UBE2R2: variants seen among roughly 807,000 people sequenced by gnomAD.
UBE2R2 encodes the protein ubiquitin conjugating enzyme E2 R2.
In UBE2R2, 1 loss-of-function variant was observed where a neutral mutation model predicts 27.8. The observed-to-expected ratio is 0.04, with a 90% CI of 0.01 to 0.17. The LOEUF (loss-of-function observed/expected upper bound fraction) is 0.17, where lower values mean the gene tolerates loss of function less well. Ranked by LOEUF, UBE2R2 falls within the 10% of genes least tolerant of loss-of-function variation. The pLI is 1.00. For missense variants in UBE2R2, 100 were observed against 291.0 expected, an observed-to-expected ratio of 0.34 and a Z score of 4.78; for synonymous variants, 106 against 113.3, an observed-to-expected ratio of 0.94 and a Z score of 0.41.
rs143127236 is a variant in UBE2R2 at position 33,906,181 on chromosome 9, G to A, written c.363-5783G>A. Reference sequence around the variant, plus strand: ...TCTTGTTGCCCAGCTGGAGTGCAATGGTGCGATCTCAGCTCACTGCAAACT... The same window carrying A: ...TCTTGTTGCCCAGCTGGAGTGCAATAGTGCGATCTCAGCTCACTGCAAACT... On this transcript the variant is annotated intron_variant, in intron 3 of 4. Coordinates refer to ENST00000263228, the MANE Select transcript of UBE2R2 (RefSeq NM_017811.4). 8.3e-3 allele frequency among the ~76,000 whole-genome samples: 1,267 copies of A among 152,184 alleles called. 15 individuals carry two copies. Among genetic ancestry groups the A allele is most frequent in the African/African-American group, 0.028 (1,164 of 41,518 alleles).
chr9:33,917,202 TATG>T lies in UBE2R2; in HGVS notation c.694_696del (p.Asp232del), dbSNP rs764184049. 3.7e-6 allele frequency: 6 copies of T among 1,614,008 alleles called. No individual in the cohort carries two copies. Among genetic ancestry groups the T allele is most frequent in the African/African-American group, 2.7e-5 (2 of 74,912 alleles). ...TGAGGAGGAGGAAGATGCCGACTGT[TATG>T]ATGATGATGATTCTGGGAATGAGGA... is the stretch of plus-strand genomic sequence containing the variant. On this transcript the variant is annotated inframe_deletion, in exon 5 of 5. Coordinates refer to ENST00000263228, the MANE Select transcript of UBE2R2 (RefSeq NM_017811.4).
intron 2 of UBE2R2, among the ~76,000 whole-genome samples, chr9:33,889,410 T>A (rs1564001093): frequency 6.6e-6 from 1 of 152,048 alleles, no homozygotes; most frequent in African/African-American, 2.4e-5. Context: ...TTCACCGTGT[T>A]AGCCAGGATG....
chr9:33,848,954 GATA>G (rs941347924), intron 1 of UBE2R2, among the ~76,000 whole-genome samples: 2 of 151,662 alleles, frequency 1.3e-5, no homozygotes, highest in East Asian at 2.0e-4. Context: ...GAACTACAAA[GATA>G]ATAATAACTC....
At chr9:33,865,123 A>G (rs1821330740) in intron 1 of UBE2R2, among the ~76,000 whole-genome samples, 1 of 151,994 alleles carries the variant, frequency 6.6e-6, no homozygotes, top group Non-Finnish European at 1.5e-5. Flanking sequence ...GACCTCCCAA[A>G]GTGCTGGGAT....
chr9:33,904,962 C>T (rs888644244), intron 3 of UBE2R2, among the ~76,000 whole-genome samples: 1 of 152,030 alleles, frequency 6.6e-6, no homozygotes, highest in Non-Finnish European at 1.5e-5. Flanking sequence ...ACAAAATGTG[C>T]CTTAATACAT....
chr9:33,866,234 G>A (rs973321340), intron 1 of UBE2R2, among the ~76,000 whole-genome samples: 6 of 151,540 alleles, frequency 4.0e-5, no homozygotes, highest in Middle Eastern at 3.4e-3. Context: ...TAACTGAAAT[G>A]TAATTAACTT....
chr9:33,882,368 C>T (rs556147544), intron 1 of UBE2R2, among the ~76,000 whole-genome samples: 149 of 152,236 alleles, frequency 9.8e-4, no homozygotes, highest in Non-Finnish European at 1.8e-3. Flanking sequence ...CTCACTGCAA[C>T]CTCTCCTGCC....
chr9:33,869,514 T>A (rs1821436729), intron 1 of UBE2R2, among the ~76,000 whole-genome samples: 1 of 151,828 alleles, frequency 6.6e-6, no homozygotes, highest in Non-Finnish European at 1.5e-5. Flanking sequence ...TGGTGCAGTC[T>A]CAGCTCACTG....
Position 33,868,078 on chromosome 9 carries a change from G to A in UBE2R2, c.178-18803G>A, listed in dbSNP as rs1821402416. ...TATTGAGCAGTGGGTGGCTCTCAGC[G>A]GAAAGGGAGGCTGGAAAGGGGATGG... On this transcript the variant is annotated intron_variant, in intron 1 of 4. Transcript: ENST00000263228. Among the ~76,000 whole-genome samples, 4 of 152,166 alleles carry A rather than the reference G, an allele frequency of 2.6e-5. 1 individual carries two copies. Among genetic ancestry groups the A allele is most frequent in the African/African-American group, 4.8e-5 (2 of 41,436 alleles).
At chr9:33,893,223 G>A (rs947066794) in intron 2 of UBE2R2, among the ~76,000 whole-genome samples, 2 of 151,972 alleles carry the variant, frequency 1.3e-5, no homozygotes, top group Admixed American at 6.6e-5. Flanking sequence ...ATTTCTCTCC[G>A]TTCCCATGTT....
intron 1 of UBE2R2, among the ~76,000 whole-genome samples, chr9:33,842,630 C>T (rs893830020): frequency 6.6e-6 from 1 of 152,030 alleles, no homozygotes; most frequent in East Asian, 1.9e-4. Context: ...AATGCAGATA[C>T]TAGTACATGG....
At chr9:33,866,666 T>C (rs894721795) in intron 1 of UBE2R2, among the ~76,000 whole-genome samples, 3 of 152,120 alleles carry the variant, frequency 2.0e-5, no homozygotes, top group Admixed American at 6.6e-5. Context: ...AAAAGAAAAT[T>C]GCCAGTACTA....
intron 2 of UBE2R2, among the ~76,000 whole-genome samples, chr9:33,899,435 C>T (rs543920129): frequency 5.9e-5 from 9 of 151,298 alleles, no homozygotes; most frequent in African/African-American, 2.2e-4. Context: ...AGTGCATTGG[C>T]GCGATCTTGG....
chr9:33,909,359 G>A (rs373144389), intron 3 of UBE2R2, among the ~76,000 whole-genome samples: 6 of 151,974 alleles, frequency 3.9e-5, no homozygotes, highest in South Asian at 2.1e-4. Context: ...GTGGTGGCGC[G>A]CACCTGTAAT....
At chr9:33,843,081 T>C (rs1172941464) in intron 1 of UBE2R2, among the ~76,000 whole-genome samples, 3 of 142,848 alleles carry the variant, frequency 2.1e-5, no homozygotes, top group African/African-American at 7.8e-5. Flanking sequence ...AGAGTCTTGC[T>C]CTGTCGCCCA....
chr9:33,907,943 C>T (rs983600497), intron 3 of UBE2R2, among the ~76,000 whole-genome samples: 1 of 152,110 alleles, frequency 6.6e-6, no homozygotes, highest in South Asian at 2.1e-4. Context: ...ATTCTCCTGC[C>T]TCAGCCTTCC....
intron 4 of UBE2R2, among the ~76,000 whole-genome samples, chr9:33,914,916 T>G (rs988499505): frequency 6.6e-6 from 1 of 151,706 alleles, no homozygotes; most frequent in Non-Finnish European, 1.5e-5. Context: ...GCGGGCAGAT[T>G]GCTTGAGCCC....
intron 4 of UBE2R2, 67 bp from the exon 5 acceptor site, chr9:33,916,950 AG>A: frequency 6.3e-7 from 1 of 1,576,754 alleles, no homozygotes; most frequent in Non-Finnish European, 8.6e-7. Flanking sequence ...TGATTATTTA[AG>A]GCCAATTATA....
intron 1 of UBE2R2, among the ~76,000 whole-genome samples, chr9:33,848,388 A>G (rs1217803564): frequency 6.6e-6 from 1 of 152,112 alleles, no homozygotes; most frequent in Non-Finnish European, 1.5e-5. Flanking sequence ...CAGACTTTGC[A>G]TACAAAATAA....
Sources: allele counts gnomAD v4.1 joint callset (sites outside exome capture counted in the v4.1 genomes callset), GRCh38; gene constraint gnomAD v4.1.1; transcripts MANE v1.5; gene names NCBI Gene and HGNC (gene_info 2026-07-23, HGNC 2026-07-21).